The following PPM1E variants were observed in gnomAD, a reference collection of about 807,000 sequenced individuals.
The protein encoded by PPM1E is protein phosphatase 1E.
In PPM1E, 20 loss-of-function variants were observed where a neutral mutation model predicts 65.9. The ratio of observed to expected loss-of-function variants is 0.30; its 90% confidence interval spans 0.21 to 0.44. PPM1E has a LOEUF of 0.44. PPM1E is among the 20% of genes least tolerant of loss of function. PPM1E has a pLI of 1.00. For synonymous variants in PPM1E, 352 were observed against 374.9 expected (o/e 0.94, Z 0.70); for missense variants, 713 against 953.1 (o/e 0.75, Z 3.32).
chr17:58,761,117 G>A (rs1043593863), intron 1 of PPM1E, among the ~76,000 whole-genome samples: 1 of 152,098 alleles, frequency 6.6e-6, no homozygotes, highest in Admixed American at 6.5e-5. Context: ...TATTCCCTAC[G>A]CTGGATTCAA....
intron 2 of PPM1E, among the ~76,000 whole-genome samples, 193 bp downstream of exon 2, chr17:58,955,960 A>G (rs879629916): frequency 1.3e-5 from 2 of 152,182 alleles, no homozygotes; most frequent in Non-Finnish European, 2.9e-5. Context: ...AGAAAAATAC[A>G]TGTGTATTTT....
intron 1 of PPM1E, among the ~76,000 whole-genome samples, chr17:58,933,536 C>G (rs1388357895): frequency 6.6e-6 from 1 of 152,076 alleles, no homozygotes; most frequent in Non-Finnish European, 1.5e-5. Context: ...TGGATCACAC[C>G]TGTAATCCCA....
At position 58,756,123 on chromosome 17, in the gene PPM1E, ACCCGAGTCCGAGCCCGAG is replaced by A. The variant is rs758674686; in HGVS notation, c.132_149del (p.Ser45_Glu50del). On this transcript the variant is annotated inframe_deletion, in exon 1 of 7. Transcript: ENST00000308249. Reference sequence around the variant, plus strand: ...AACCCGAACCCGAACCCGAACCCGAACCCGAGTCCGAGCCCGAGCCCGAACCTGAACTGGTAGAAGCTG... The same window carrying A: ...AACCCGAACCCGAACCCGAACCCGAACCCGAACCTGAACTGGTAGAAGCTG... The A allele has an allele frequency of 1.2e-6, 2 of 1,607,370 alleles. No individual in the cohort carries two copies. The highest frequency in any genetic ancestry group is 4.5e-5 in the East Asian group (2 of 44,644).
chr17:58,849,065 G>T (rs1255430310), intron 1 of PPM1E, among the ~76,000 whole-genome samples: 1 of 152,164 alleles, frequency 6.6e-6, no homozygotes, highest in Non-Finnish European at 1.5e-5. Flanking sequence ...TTGTGTAGAG[G>T]TGTTTATAGT....
intron 1 of PPM1E, among the ~76,000 whole-genome samples, chr17:58,933,965 C>T (rs1028200774): frequency 2.0e-5 from 3 of 151,650 alleles, no homozygotes; most frequent in Non-Finnish European, 2.9e-5. Flanking sequence ...TGTGGCGGCA[C>T]GCGCCTGTAA....
intron 1 of PPM1E, among the ~76,000 whole-genome samples, chr17:58,907,341 T>C (rs918840128): frequency 6.6e-6 from 1 of 152,226 alleles, no homozygotes; most frequent in African/African-American, 2.4e-5. Context: ...AATTCTGCTG[T>C]GATCTGAATA....
intron 1 of PPM1E, among the ~76,000 whole-genome samples, chr17:58,808,369 A>T (rs755320141): frequency 6.6e-6 from 1 of 152,152 alleles, no homozygotes; most frequent in Non-Finnish European, 1.5e-5. Context: ...AATTATATTG[A>T]ATTACTTTGA....
At chr17:58,913,944 G>A (rs980754807) in intron 1 of PPM1E, among the ~76,000 whole-genome samples, 1 of 152,132 alleles carries the variant, frequency 6.6e-6, no homozygotes, top group African/African-American at 2.4e-5. Flanking sequence ...GTTTTACAAA[G>A]GCAGTTTTGT....
At chr17:58,798,280 G>T (rs539445005) in intron 1 of PPM1E, among the ~76,000 whole-genome samples, 27 of 149,402 alleles carry the variant, frequency 1.8e-4, no homozygotes, top group Non-Finnish European at 3.4e-4. Flanking sequence ...CCAGGCTGGA[G>T]TGCAGTGGTA....
At chr17:58,808,765 A>C (rs1321283021) in intron 1 of PPM1E, among the ~76,000 whole-genome samples, 2 of 152,142 alleles carry the variant, frequency 1.3e-5, no homozygotes, top group African/African-American at 4.8e-5. Flanking sequence ...TCACCCTAAA[A>C]AGAAAGCTTG....
intron 6 of PPM1E, 71 bp downstream of exon 6, chr17:58,972,996 C>T: frequency 9.8e-7 from 1 of 1,016,202 alleles, no homozygotes. Flanking sequence ...AACTCTGATA[C>T]AGGGAACCTG....
chr17:58,838,284 G>A (rs887318108), intron 1 of PPM1E, among the ~76,000 whole-genome samples: 2 of 152,132 alleles, frequency 1.3e-5, no homozygotes, highest in African/African-American at 4.8e-5. Flanking sequence ...ACACATATCT[G>A]ATAAAGGACT....
chr17:58,771,010 C>T (rs1269832262), intron 1 of PPM1E, among the ~76,000 whole-genome samples: 2 of 152,046 alleles, frequency 1.3e-5, no homozygotes, highest in African/African-American at 2.4e-5. Context: ...GCGCATGCCA[C>T]CACGCCCAAC....
chr17:58,927,452 C>T (rs1450709562), intron 1 of PPM1E, among the ~76,000 whole-genome samples: 1 of 151,940 alleles, frequency 6.6e-6, no homozygotes, highest in East Asian at 1.9e-4. Context: ...TTTTAACTAG[C>T]GATATAATAT....
rs1364200932 is a variant in PPM1E at position 58,756,108 on chromosome 17, C to CGAACCA, written c.116_117insAGAACC (p.Pro43_Glu44dup). 1.9e-6 allele frequency: 3 copies of CGAACCA among 1,604,050 alleles called. No individual in the cohort carries two copies. Among genetic ancestry groups the CGAACCA allele is most frequent in the Non-Finnish European group, 2.6e-6 (3 of 1,174,236 alleles). ...GCGAGCCGGAGCCGGAACCCGAACCCGAACCCGAACCCGAACCCGAGTCCG... is the reference window on the plus strand; with the variant it reads ...GCGAGCCGGAGCCGGAACCCGAACCCGAACCAGAACCCGAACCCGAACCCGAGTCCG... On this transcript the variant is annotated inframe_insertion, in exon 1 of 7. Transcript: ENST00000308249.
chr17:58,873,599 T>TATTATTATTATC (rs2051096519), intron 1 of PPM1E, among the ~76,000 whole-genome samples: 1 of 108,884 alleles, frequency 9.2e-6, no homozygotes, highest in Non-Finnish European at 2.0e-5. Flanking sequence ...TTATTATTAT[T>TATTATTATTATC]ATTATTATTT....
rs991773509 is a variant in PPM1E, at chr17:58,823,044, C to T, written c.464+66583C>T. Among the ~76,000 whole-genome samples, 4 of 152,066 alleles carry T rather than the reference C, an allele frequency of 2.6e-5. No homozygotes were observed. The East Asian group carries it at 5.8e-4, about 22-fold the overall frequency. Reference sequence around the variant, plus strand: ...CTTCTTGTTTGACCTGGGGCAAGCCCTTCTGAGCATTTTTTTTTTAATTTT... The same window carrying T: ...CTTCTTGTTTGACCTGGGGCAAGCCTTTCTGAGCATTTTTTTTTTAATTTT... On this transcript the variant is annotated intron_variant, in intron 1 of 6. Transcript: ENST00000308249.
intron 1 of PPM1E, among the ~76,000 whole-genome samples, chr17:58,914,658 T>C (rs2051664535): frequency 3.3e-5 from 5 of 152,190 alleles, no homozygotes; most frequent in Non-Finnish European, 2.9e-5. Context: ...AAATGCTACC[T>C]TAACCAAGTG....
chr17:58,805,225 A>G (rs2050294104), intron 1 of PPM1E, among the ~76,000 whole-genome samples: 1 of 152,038 alleles, frequency 6.6e-6, no homozygotes, highest in South Asian at 2.1e-4. Flanking sequence ...CCCAAGCAGT[A>G]TACACTATAC....
Sources: gnomAD v4.1 joint callset for allele counts (sites outside exome capture counted in the v4.1 genomes callset) on GRCh38, gnomAD v4.1.1 for gene constraint, MANE v1.5 for transcripts, NCBI Gene and HGNC (gene_info 2026-07-23, HGNC 2026-07-21) for gene names.